Variants in DIAPH3 observed in about 807,000 individuals in gnomAD.
DIAPH3 encodes the protein protein diaphanous homolog 3.
DIAPH3 carries 117 observed loss-of-function variants against 144.3 expected under a neutral mutation model. The observed-to-expected ratio is 0.81, with a 90% CI of 0.70 to 0.95. The LOEUF (loss-of-function observed/expected upper bound fraction) is 0.95, where lower values mean the gene tolerates loss of function less well. Among genes scored for constraint, DIAPH3 ranks in the 40% least tolerant of loss-of-function variants. The pLI, the probability that DIAPH3 is intolerant of heterozygous loss-of-function variation, is 0.00. For synonymous variants in DIAPH3, 519 were observed against 488.9 expected, an observed-to-expected ratio of 1.06 and a Z score of -0.81; for missense variants, 1,421 against 1,412.7, an observed-to-expected ratio of 1.01 and a Z score of -0.09.
At chr13:60,147,508 C>T (rs1212313630) in intron 1 of DIAPH3, among the ~76,000 whole-genome samples, 1 of 152,130 alleles carries the variant, frequency 6.6e-6, no homozygotes, top group Non-Finnish European at 1.5e-5. Flanking sequence ...ATAACTGACA[C>T]TGATCTAAGC....
intron 25 of DIAPH3, among the ~76,000 whole-genome samples, chr13:59,783,456 T>G (rs341567): frequency 0.66 from 100,150 of 151,982 alleles, 33,381 homozygotes; most frequent in East Asian, 0.72. Context: ...GATTCAAGGC[T>G]TCTAGAGGGC....
At position 59,906,329 on chromosome 13, in the gene DIAPH3, T is replaced by C. The variant is rs894521070; in HGVS notation, c.2367+5406A>G. ...AAAAGTTTCAGAACAATGGATTTTT[T>C]AAAATGTTCACGTGAACATGCATAC... On this transcript the variant is annotated intron_variant, in intron 20 of 27. Transcript: ENST00000400324. 2.0e-5 allele frequency among the ~76,000 whole-genome samples: 3 copies of C among 152,196 alleles called. No homozygotes were observed. The South Asian group carries it at 6.2e-4, about 32-fold the overall frequency.
At chr13:60,151,829 G>A (rs1239283464) in intron 1 of DIAPH3, among the ~76,000 whole-genome samples, 6 of 152,100 alleles carry the variant, frequency 3.9e-5, no homozygotes, top group Non-Finnish European at 8.8e-5. Flanking sequence ...ATAAAGAAGT[G>A]AAATAGTCAT....
intron 24 of DIAPH3, among the ~76,000 whole-genome samples, chr13:59,823,232 G>A (rs186629447): frequency 6.6e-6 from 1 of 152,122 alleles, no homozygotes; most frequent in Non-Finnish European, 1.5e-5. Context: ...AAGCCAATTA[G>A]TAAAGGTCTG....
intron 18 of DIAPH3, among the ~76,000 whole-genome samples, chr13:59,921,706 G>A (rs1414153965): frequency 6.6e-6 from 1 of 151,960 alleles, no homozygotes; most frequent in East Asian, 1.9e-4. Flanking sequence ...AAATCAAAGA[G>A]TAGAGAATAC....
intron 9 of DIAPH3, among the ~76,000 whole-genome samples, chr13:59,996,607 G>A (rs890173116): frequency 3.9e-5 from 6 of 151,950 alleles, no homozygotes; most frequent in Middle Eastern, 3.4e-3. Context: ...GAAAGCGAGC[G>A]GCCAAAAAGG....
At chr13:59,716,929 A>G (rs1210138398) in intron 27 of DIAPH3, among the ~76,000 whole-genome samples, 1 of 152,138 alleles carries the variant, frequency 6.6e-6, no homozygotes, top group East Asian at 1.9e-4. Context: ...CTGTAACTAC[A>G]ATGACAGATG....
At chr13:59,781,957 C>G (rs2038764347) in intron 25 of DIAPH3, among the ~76,000 whole-genome samples, 2 of 152,124 alleles carry the variant, frequency 1.3e-5, no homozygotes, top group Non-Finnish European at 2.9e-5. Flanking sequence ...ATATATGGAG[C>G]AGACAGTGAA....
At chr13:59,916,025 A>G (rs2047200333) in intron 19 of DIAPH3, 130 bp downstream of exon 19, 1 of 783,290 alleles carries the variant, frequency 1.3e-6, no homozygotes. Context: ...AGTTATGCTA[A>G]AACTAATTAT....
At chr13:60,005,888 A>T (rs1003338839) in intron 9 of DIAPH3, among the ~76,000 whole-genome samples, 2 of 152,180 alleles carry the variant, frequency 1.3e-5, no homozygotes, top group Non-Finnish European at 2.9e-5. Context: ...TATAAACAGA[A>T]TTCTTAATAT....
At chr13:59,814,529 G>A (rs1373870426) in intron 24 of DIAPH3, among the ~76,000 whole-genome samples, 1 of 152,150 alleles carries the variant, frequency 6.6e-6, no homozygotes, top group Non-Finnish European at 1.5e-5. Flanking sequence ...TATTCTAAAT[G>A]TTAAGAAGTA....
At chr13:60,065,041 G>A (rs578194575) in intron 4 of DIAPH3, among the ~76,000 whole-genome samples, 26 of 151,992 alleles carry the variant, frequency 1.7e-4, no homozygotes, top group Non-Finnish European at 3.7e-4. Flanking sequence ...GTGGTTTGTG[G>A]CACCTTAAAA....
At chr13:59,799,002 T>G (rs1248908622) in intron 25 of DIAPH3, among the ~76,000 whole-genome samples, 1 of 152,018 alleles carries the variant, frequency 6.6e-6, no homozygotes, top group African/African-American at 2.4e-5. Flanking sequence ...CACAGTAATT[T>G]CCTATGCATC....
intron 9 of DIAPH3, among the ~76,000 whole-genome samples, chr13:59,995,879 G>A (rs185843764): frequency 3.3e-5 from 5 of 152,094 alleles, no homozygotes; most frequent in East Asian, 1.9e-4. Context: ...ATGGAATCAC[G>A]ACAGTATAGA....
intron 16 of DIAPH3, 148 bp downstream of exon 16, chr13:59,970,704 T>A (rs1268901453): frequency 1.4e-6 from 1 of 701,134 alleles, no homozygotes; most frequent in Admixed American, 3.4e-5. Flanking sequence ...TATTTTATTG[T>A]CACTTTGATT....
At chr13:59,841,493 C>G (rs937463127) in intron 22 of DIAPH3, among the ~76,000 whole-genome samples, 1 of 151,934 alleles carries the variant, frequency 6.6e-6, no homozygotes, top group African/African-American at 2.4e-5. Flanking sequence ...AATATGGAGG[C>G]TGAGGTGGGA....
chr13:60,062,417 C>CCCAAGAAT, intron 4 of DIAPH3, among the ~76,000 whole-genome samples: 1 of 152,300 alleles, frequency 6.6e-6, no homozygotes, highest in South Asian at 2.1e-4. Context: ...TACCAATTTA[C>CCCAAGAAT]TGGGTAATTC....
intron 12 of DIAPH3, among the ~76,000 whole-genome samples, chr13:59,988,761 A>G (rs574565111): frequency 6.6e-6 from 1 of 152,012 alleles, no homozygotes; most frequent in African/African-American, 2.4e-5. Flanking sequence ...ATTGTTAACA[A>G]ATATCAGAAA....
chr13:59,725,088 G>A (rs1244429477), intron 27 of DIAPH3, among the ~76,000 whole-genome samples: 1 of 152,140 alleles, frequency 6.6e-6, no homozygotes, highest in Non-Finnish European at 1.5e-5. Flanking sequence ...ATATATGTCT[G>A]GGAAATACAA....
Sources: gnomAD v4.1 joint callset for allele counts (sites outside exome capture counted in the v4.1 genomes callset) on GRCh38, gnomAD v4.1.1 for gene constraint, MANE v1.5 for transcripts, NCBI Gene and HGNC (gene_info 2026-07-23, HGNC 2026-07-21) for gene names.